The following PPARD variants were observed in gnomAD, a reference collection of about 807,000 sequenced individuals.
PPARD encodes the protein peroxisome proliferator-activated receptor delta.
Under a neutral mutation model 39.5 loss-of-function variants are expected in PPARD, and 6 were observed. That is an observed-to-expected ratio of 0.15 (90% CI 0.08 to 0.30). The LOEUF (loss-of-function observed/expected upper bound fraction) is 0.30, where lower values mean the gene tolerates loss of function less well. Among genes scored for constraint, PPARD ranks in the 10% least tolerant of loss-of-function variants. The probability of loss-of-function intolerance (pLI) is 1.00; values close to 1 mark genes in which losing one functional copy is unlikely to be tolerated. For missense variants in PPARD, 397 were observed against 596.8 expected, an observed-to-expected ratio of 0.67 and a Z score of 3.49; for synonymous variants, 210 against 231.3, an observed-to-expected ratio of 0.91 and a Z score of 0.83.
chr6:35,426,228 T>C lies in PPARD; in HGVS notation c.*149T>C. On this transcript the variant is annotated 3_prime_UTR_variant, in exon 8 of 8. Coordinates refer to ENST00000360694, the MANE Select transcript of PPARD (RefSeq NM_006238.5). ...CCTCAGACACATGACACCCACGGCCTCTGGCTCCCTGTGCCCTCTCTCCCG... is the reference window on the plus strand; with the variant it reads ...CCTCAGACACATGACACCCACGGCCCCTGGCTCCCTGTGCCCTCTCTCCCG... 9.3e-7 allele frequency: 1 copy of C among 1,079,794 alleles called. No individual in the cohort carries two copies. The highest frequency in any genetic ancestry group is 1.3e-6 in the Non-Finnish European group (1 of 770,116). The allele number at this position is 1,079,794 out of a possible 1,614,324, so 66.9% of individuals were successfully genotyped here.
At chr6:35,379,097 T>C (rs1762983227) in intron 2 of PPARD, among the ~76,000 whole-genome samples, 2 of 135,814 alleles carry the variant, frequency 1.5e-5, no homozygotes. Context: ...CTTTTCTTTC[T>C]TTTTTTTTTT....
chr6:35,423,672 T>G (rs1483572897), intron 5 of PPARD, among the ~76,000 whole-genome samples: 1 of 151,860 alleles, frequency 6.6e-6, no homozygotes, highest in Non-Finnish European at 1.5e-5. Flanking sequence ...GCTCAGTCAC[T>G]CAGTAAGTTA....
intron 2 of PPARD, among the ~76,000 whole-genome samples, chr6:35,362,696 G>T (rs1213865308): frequency 6.6e-6 from 1 of 152,150 alleles, no homozygotes; most frequent in Non-Finnish European, 1.5e-5. Flanking sequence ...TTGGGGCGGG[G>T]TAGGCAGCAG....
At chr6:35,389,723 T>C (rs185250652) in intron 2 of PPARD, among the ~76,000 whole-genome samples, 209 of 152,360 alleles carry the variant, frequency 1.4e-3, no homozygotes, top group Middle Eastern at 6.8e-3. Flanking sequence ...ACCCCAATTA[T>C]AAATCAAGCA....
chr6:35,382,393 A>G (rs1325552626), intron 2 of PPARD, among the ~76,000 whole-genome samples: 1 of 152,366 alleles, frequency 6.6e-6, no homozygotes, highest in East Asian at 1.9e-4. Flanking sequence ...AAAATTCTCC[A>G]GGTCCCGTGA....
Position 35,387,408 on chromosome 6 carries a change from G to A in PPARD, c.-101-23579G>A, listed in dbSNP as rs370230398. ...GCCCCTCATTTTAGTTTATTTTTAT[G>A]TTAAAATGTTTATTAATACAAAATA... On this transcript the variant is annotated intron_variant, in intron 2 of 7. Coordinates refer to ENST00000360694, the MANE Select transcript of PPARD (RefSeq NM_006238.5). 7.9e-5 allele frequency among the ~76,000 whole-genome samples: 12 copies of A among 152,222 alleles called. No homozygotes were observed. In the South Asian group the frequency reaches 1.2e-3, roughly 16 times the overall value.
intron 2 of PPARD, among the ~76,000 whole-genome samples, chr6:35,390,383 A>T (rs1276670763): frequency 6.6e-6 from 1 of 152,154 alleles, no homozygotes; most frequent in African/African-American, 2.4e-5. Flanking sequence ...CAGTCCCATA[A>T]ATGATATTTT....
chr6:35,348,754 C>T, intron 2 of PPARD: 1 of 985,330 alleles, frequency 1.0e-6, no homozygotes, highest in Non-Finnish European at 1.2e-6. Context: ...CTCCTGCTTT[C>T]AAACCCATAC....
chr6:35,372,801 G>T (rs1446777355), intron 2 of PPARD, among the ~76,000 whole-genome samples: 1 of 152,186 alleles, frequency 6.6e-6, no homozygotes, highest in Non-Finnish European at 1.5e-5. Context: ...CCCTATCTCA[G>T]TGACCTTGGG....
intron 2 of PPARD, among the ~76,000 whole-genome samples, chr6:35,349,286 A>C (rs1281221966): frequency 6.6e-6 from 1 of 152,022 alleles, no homozygotes; most frequent in Non-Finnish European, 1.5e-5. Flanking sequence ...CGGCCTCCCA[A>C]AGTGCTGGGA....
chr6:35,394,919 G>A (rs1028646979), intron 2 of PPARD, among the ~76,000 whole-genome samples: 11 of 152,070 alleles, frequency 7.2e-5, no homozygotes, highest in Non-Finnish European at 1.3e-4. Flanking sequence ...ATTAAAGAAG[G>A]CACATGGTCA....
At chr6:35,385,632 A>T (rs1272132102) in intron 2 of PPARD, among the ~76,000 whole-genome samples, 1 of 114,378 alleles carries the variant, frequency 8.7e-6, no homozygotes, top group Non-Finnish European at 1.7e-5. Flanking sequence ...TTATCAATAA[A>T]AAATAAATAA....
intron 2 of PPARD, among the ~76,000 whole-genome samples, chr6:35,379,522 A>C (rs1562189420): frequency 6.6e-6 from 1 of 152,240 alleles, no homozygotes; most frequent in Non-Finnish European, 1.5e-5. Context: ...CTATTGCTGA[A>C]GATACGGAAA....
intron 2 of PPARD, among the ~76,000 whole-genome samples, chr6:35,365,117 G>A (rs1249142819): frequency 6.9e-6 from 1 of 145,072 alleles, no homozygotes; most frequent in African/African-American, 2.7e-5. Flanking sequence ...CAGACATGTA[G>A]AGCTTCCTTA....
chr6:35,361,897 A>T (rs1761944603), intron 2 of PPARD, among the ~76,000 whole-genome samples: 1 of 152,204 alleles, frequency 6.6e-6, no homozygotes, highest in Non-Finnish European at 1.5e-5. Flanking sequence ...GACTAGTAAT[A>T]AACAGTGGAT....
intron 2 of PPARD, among the ~76,000 whole-genome samples, chr6:35,349,387 T>C (rs1026889336): frequency 2.0e-5 from 3 of 152,208 alleles, no homozygotes; most frequent in Non-Finnish European, 2.9e-5. Context: ...GTCCAATCTT[T>C]TGGCATCCCT....
chr6:35,414,504 G>A (rs1012991864), intron 3 of PPARD, among the ~76,000 whole-genome samples: 6 of 151,870 alleles, frequency 4.0e-5, no homozygotes, highest in African/African-American at 1.5e-4. Flanking sequence ...GCCTGATCAT[G>A]TGTCCAGAGC....
chr6:35,347,329 T>C (rs1252795234), intron 2 of PPARD, among the ~76,000 whole-genome samples, 179 bp downstream of exon 2: 1 of 152,212 alleles, frequency 6.6e-6, no homozygotes. Flanking sequence ...TAAGTAATTA[T>C]TGAAAGTCTA....
intron 2 of PPARD, among the ~76,000 whole-genome samples, chr6:35,368,538 C>T (rs1480061956): frequency 1.4e-4 from 21 of 152,194 alleles, no homozygotes; most frequent in Admixed American, 1.4e-3. Context: ...CAGGAACCTG[C>T]CTTTAAAGCT....
Sources: gnomAD v4.1 joint callset for allele counts (sites outside exome capture counted in the v4.1 genomes callset) on GRCh38, gnomAD v4.1.1 for gene constraint, MANE v1.5 for transcripts, NCBI Gene and HGNC (gene_info 2026-07-23, HGNC 2026-07-21) for gene names.